Variants in LRP2 observed in about 807,000 individuals in gnomAD.
LRP2 encodes low-density lipoprotein receptor-related protein 2.
A neutral mutation model predicts 531.0 loss-of-function variants in LRP2; 172 were observed. The observed-to-expected ratio is 0.32, with a 90% confidence interval of 0.29 to 0.37. The LOEUF is 0.37. LRP2 is among the 10% of genes least tolerant of loss of function. LRP2 has a pLI of 1.00. For synonymous variants in LRP2, 1,992 were observed against 2,027.6 expected (o/e 0.98, Z 0.47); for missense variants, 5,167 against 5,868.3 (o/e 0.88, Z 3.90).
At chr2:169,272,124 A>T (rs1483071072) in intron 15 of LRP2, among the ~76,000 whole-genome samples, 1 of 152,186 alleles carries the variant, frequency 6.6e-6, no homozygotes, top group Non-Finnish European at 1.5e-5. Flanking sequence ...AAGATAATTT[A>T]TATACGACGC....
At chr2:169,241,493 A>G (rs1689804271) in intron 24 of LRP2, 128 bp from the exon 25 acceptor site, 1 of 976,034 alleles carries the variant, frequency 1.0e-6, no homozygotes, top group Admixed American at 1.8e-5. Context: ...CCAAATTAAT[A>G]TTTAAGGCTA....
intron 26 of LRP2, among the ~76,000 whole-genome samples, chr2:169,239,104 C>T (rs1182960438): frequency 6.6e-6 from 1 of 152,110 alleles, no homozygotes; most frequent in East Asian, 1.9e-4. Flanking sequence ...GTTTTAGCTT[C>T]CTCTATTTGG....
In LRP2 at chr2:169,182,113, CAG is replaced by C. The variant is rs1312606123; in HGVS notation, c.9998+52_9998+53del. The C allele has an allele frequency of 5.6e-6, 9 of 1,606,928 alleles. No homozygotes were observed. In the East Asian group the frequency reaches 1.8e-4, roughly 32 times the overall value. On this transcript the variant is annotated intron_variant, in intron 51 of 78. Coordinates refer to ENST00000649046, the MANE Select transcript of LRP2 (RefSeq NM_004525.3). ...GTTACATGAACAGCCTTCTCGGTAA[CAG>C]AGGCAGAAGAAGGAGGTGAAAGAAA...
At position 169,290,832 on chromosome 2, in the gene LRP2, T is replaced by A. The variant is rs750478274; in HGVS notation, c.922+13A>T. ...TTTATCTGAAAGCTACCCAGGTAAA[T>A]GTCTATACTCACTACAGTATTTTCC... On this transcript the variant is annotated intron_variant, in intron 8 of 78. Coordinates refer to ENST00000649046, the MANE Select transcript of LRP2 (RefSeq NM_004525.3). 1 of 1,613,512 alleles carries A rather than the reference T, an allele frequency of 6.2e-7. No homozygotes were observed. Among genetic ancestry groups the A allele is most frequent in the South Asian group, 1.1e-5 (1 of 91,000 alleles).
intron 3 of LRP2, among the ~76,000 whole-genome samples, chr2:169,310,980 G>T (rs562841201): frequency 9.1e-4 from 139 of 152,178 alleles, no homozygotes; most frequent in Non-Finnish European, 1.5e-3. Context: ...TTTTCTAGTT[G>T]ATTTGCATAG....
rs183162585 is a variant in LRP2 at position 169,261,044 on chromosome 2, G to T, written c.2321-1827C>A. Among the ~76,000 whole-genome samples, 3 of 152,132 alleles carry T rather than the reference G, an allele frequency of 2.0e-5. No homozygotes were observed. The East Asian group carries it at 5.8e-4, about 30-fold the overall frequency. ...ATGAGAGGGGTGTCAGCCACCTGGT[G>T]GGCAGATTGCAAGAGGTGAGTAATC... On this transcript the variant is annotated intron_variant, in intron 16 of 78. Transcript: ENST00000649046.
At chr2:169,349,347 G>A (rs1279036247) in intron 1 of LRP2, among the ~76,000 whole-genome samples, 1 of 152,102 alleles carries the variant, frequency 6.6e-6, no homozygotes, top group Non-Finnish European at 1.5e-5. Flanking sequence ...TAGGAAAAAG[G>A]GGGGCAAGTG....
intron 9 of LRP2, among the ~76,000 whole-genome samples, chr2:169,283,889 T>C (rs1291916002): frequency 6.6e-6 from 1 of 152,112 alleles, no homozygotes; most frequent in Admixed American, 6.5e-5. Flanking sequence ...AACAAAATAT[T>C]AGAAGAGTCT....
intron 29 of LRP2, 67 bp downstream of exon 29, chr2:169,235,773 A>G: frequency 2.4e-6 from 3 of 1,226,388 alleles, no homozygotes; most frequent in Non-Finnish European, 3.6e-6. Flanking sequence ...AGCTTTTCTG[A>G]TACTCGTCTG....
intron 62 of LRP2, 35 bp from the exon 63 acceptor site, chr2:169,162,635 T>G: frequency 6.2e-7 from 1 of 1,611,770 alleles, no homozygotes; most frequent in Non-Finnish European, 8.5e-7. Flanking sequence ...TCAAAACTTT[T>G]TCTTTTATGA....
rs1685140190 is a variant in LRP2, at chr2:169,127,550, A to AC, written c.*1112_*1113insG. On this transcript the variant is annotated 3_prime_UTR_variant, in exon 79 of 79. Coordinates refer to ENST00000649046, the MANE Select transcript of LRP2 (RefSeq NM_004525.3). ...TCCATCTCTAAAAAAAAAAAAAAAA[A>AC]AAAAACCAATAAGAATTAAAGAAAA... 6.6e-6 allele frequency: 1 copy of AC among 151,918 alleles called. No homozygotes were observed. The highest frequency in any genetic ancestry group is 1.5e-5 in the Non-Finnish European group (1 of 67,990). 9.4% of individuals were successfully genotyped at this position (151,918 alleles called of 1,614,324 possible). A position where few individuals can be genotyped will look rare whatever the true frequency, so the allele number is the denominator to read the frequency against.
At chr2:169,224,189 C>A (rs1408099709) in intron 33 of LRP2, among the ~76,000 whole-genome samples, 1 of 152,242 alleles carries the variant, frequency 6.6e-6, no homozygotes, top group Non-Finnish European at 1.5e-5. Flanking sequence ...TTTCTGAATG[C>A]TCCAGAGAAA....
chr2:169,146,804 A>T lies in LRP2; in HGVS notation c.12746T>A (p.Phe4249Tyr). The T allele has an allele frequency of 6.2e-7, 1 of 1,614,218 alleles. No homozygotes were observed. Among genetic ancestry groups the T allele is most frequent in the Non-Finnish European group, 8.5e-7 (1 of 1,180,028 alleles). The change falls in exon 69 of 79, where the codon TTC becomes TAC. Residue 4249 changes from phenylalanine (F) to tyrosine (Y), a missense_variant. Coordinates refer to ENST00000649046, the MANE Select transcript of LRP2 (RefSeq NM_004525.3). ...LNNDRIYWSD[F>Y]KEDVIETIKY... ...TATGGTTTCAATAACGTCCTCCTTGAAGTCACTCCAGTAGATTCGGTCATT... is the reference window on the plus strand; with the variant it reads ...TATGGTTTCAATAACGTCCTCCTTGTAGTCACTCCAGTAGATTCGGTCATT...
At chr2:169,320,328 T>C (rs1280277423) in intron 2 of LRP2, among the ~76,000 whole-genome samples, 1 of 152,260 alleles carries the variant, frequency 6.6e-6, no homozygotes, top group Non-Finnish European at 1.5e-5. Context: ...GTGATTTCTT[T>C]ATGGTAATTG....
chr2:169,271,641 AC>A lies in LRP2; in HGVS notation c.2117-535del, dbSNP rs141546929. The A allele has an allele frequency of 1.5e-3, 846 of 555,478 alleles. 7 individuals are homozygous for A. The African/African-American group carries it at 0.018, about 12-fold the overall frequency. The allele number at this position is 555,478 out of a possible 1,614,324, so 34.4% of individuals were successfully genotyped here. A position where few individuals can be genotyped will look rare whatever the true frequency, so the allele number is the denominator to read the frequency against. On this transcript the variant is annotated intron_variant, in intron 15 of 78. Transcript: ENST00000649046. Reference sequence around the variant, plus strand: ...CACACACACACACACACACACACACACACACACACACACAGAAACCTTTCTC... The same window carrying A: ...CACACACACACACACACACACACACAACACACACACACAGAAACCTTTCTC...
Position 169,209,707 on chromosome 2 carries a change from C to T in LRP2, c.6281-66G>A, listed in dbSNP as rs1161559511. ...AAATTAGAACTTTTAAATGTCTGCCCTTCCTCTCAAACCCTCATTCCCAAC... is the reference window on the plus strand; with the variant it reads ...AAATTAGAACTTTTAAATGTCTGCCTTTCCTCTCAAACCCTCATTCCCAAC... On this transcript the variant is annotated intron_variant, in intron 37 of 78. Coordinates refer to ENST00000649046, the MANE Select transcript of LRP2 (RefSeq NM_004525.3). 3.4e-6 allele frequency: 5 copies of T among 1,474,604 alleles called. No homozygotes were observed. The East Asian group carries it at 7.1e-5, about 21-fold the overall frequency. 91.3% of individuals were successfully genotyped at this position (1,474,604 alleles called of 1,614,324 possible). A position where few individuals can be genotyped will look rare whatever the true frequency, so the allele number is the denominator to read the frequency against.
At chr2:169,338,798 A>G (rs1685490068) in intron 1 of LRP2, among the ~76,000 whole-genome samples, 1 of 152,206 alleles carries the variant, frequency 6.6e-6, no homozygotes, top group Non-Finnish European at 1.5e-5. Flanking sequence ...AGAGCACGCG[A>G]AGACTGCTTA....
intron 68 of LRP2, among the ~76,000 whole-genome samples, chr2:169,148,191 C>T (rs1685988080): frequency 6.6e-6 from 1 of 152,162 alleles, no homozygotes; most frequent in Non-Finnish European, 1.5e-5. Context: ...AAAAAGGACA[C>T]ACATGTGAAA....
chr2:169,347,141 C>T (rs1685716002), intron 1 of LRP2, among the ~76,000 whole-genome samples: 1 of 152,210 alleles, frequency 6.6e-6, no homozygotes, highest in African/African-American at 2.4e-5. Context: ...CTTGCTCTGA[C>T]AAACATTTAC....
Sources: gnomAD v4.1 joint callset for allele counts (sites outside exome capture counted in the v4.1 genomes callset) on GRCh38, gnomAD v4.1.1 for gene constraint, MANE v1.5 for transcripts, NCBI Gene and HGNC (gene_info 2026-07-23, HGNC 2026-07-21) for gene names.